The following YTHDF1 variants were observed in gnomAD, a reference collection of about 807,000 sequenced individuals.
YTHDF1 encodes the protein YTH N6-methyladenosine RNA binding protein F1, also known as YTH domain-containing family protein 1.
A neutral mutation model predicts 49.1 loss-of-function variants in YTHDF1; 16 were observed. That is an observed-to-expected ratio of 0.33 (90% CI 0.22 to 0.49). The LOEUF (loss-of-function observed/expected upper bound fraction) is 0.49, where lower values mean the gene tolerates loss of function less well. Among genes scored for constraint, YTHDF1 ranks in the 20% least tolerant of loss-of-function variants. The probability of loss-of-function intolerance (pLI) is 0.99; values close to 1 mark genes in which losing one functional copy is unlikely to be tolerated. For synonymous variants in YTHDF1, 313 were observed against 290.1 expected (o/e 1.08, Z -0.80); for missense variants, 621 against 744.3 (o/e 0.83, Z 1.93).
intron 3 of YTHDF1, among the ~76,000 whole-genome samples, chr20:63,209,725 A>G (rs895475778): frequency 1.3e-5 from 2 of 152,182 alleles, no homozygotes; most frequent in African/African-American, 4.8e-5. Flanking sequence ...AAAACAAAAC[A>G]AAAAAACCAA....
intron 4 of YTHDF1, 122 bp from the exon 5 acceptor site, chr20:63,196,856 G>T: frequency 8.9e-7 from 1 of 1,128,486 alleles, no homozygotes; most frequent in East Asian, 2.6e-5. Flanking sequence ...ACCCTGAATG[G>T]TACCCAAGCC....
rs758252890 is a variant in YTHDF1 at position 63,202,995 on chromosome 20, C to A, written c.945G>T (p.Pro315=). ...LPAQPPALAQ[P]QYQSPQQPPQ... ...GTGGCTGCTGAGGGCTCTGATACTG[C>A]GGTTGAGCCAAAGCTGGGGGCTGTG... The change falls in exon 4 of 5, where the codon CCG becomes CCT. Residue 315 remains proline, a synonymous_variant. Transcript: ENST00000370339. 15 of 1,612,510 alleles carry A rather than the reference C, an allele frequency of 9.3e-6. No homozygotes were observed. Among genetic ancestry groups the A allele is most frequent in the Non-Finnish European group, 1.2e-5 (14 of 1,179,666 alleles).
In YTHDF1 at chr20:63,196,730, C is replaced by T. The variant is rs1411914627; in HGVS notation, c.1658G>A (p.Arg553Gln). ...CCCTCATTGTTTGTTTCGACTCTGC[C>T]GTTCCTGTAAAAAGAAAAAACAAAA... ...QEEEEVVRKE[R>Q]QSRNKQ The change falls in exon 5 of 5, where the codon CGG becomes CAG. Residue 553 changes from arginine (R) to glutamine (Q), a missense_variant. Physicochemically the swap from Arg to Gln is conservative, Grantham distance 43. Coordinates refer to ENST00000370339, the MANE Select transcript of YTHDF1 (RefSeq NM_017798.4). 5 of 1,613,686 alleles carry T rather than the reference C, an allele frequency of 3.1e-6. No individual in the cohort carries two copies. Among genetic ancestry groups the T allele is most frequent in the African/African-American group, 2.7e-5 (2 of 75,034 alleles).
chr20:63,215,924 C>A lies in YTHDF1; in HGVS notation c.-32G>T. 1.5e-6 allele frequency: 2 copies of A among 1,365,690 alleles called. No individual in the cohort carries two copies. Among genetic ancestry groups the A allele is most frequent in the Non-Finnish European group, 1.9e-6 (2 of 1,053,438 alleles). 84.6% of individuals were successfully genotyped at this position (1,365,690 alleles called of 1,614,324 possible). On this transcript the variant is annotated 5_prime_UTR_variant, in exon 1 of 5. Transcript: ENST00000370339. ...TGAACAACTAGACGCGGGGCCGGGG[C>A]GCCCGCCGGCTCGGGCCTCCCCTAG... is the stretch of plus-strand genomic sequence containing the variant.
Position 63,202,446 on chromosome 20 carries a change from G to T in YTHDF1, c.1494C>A (p.Asp498Glu), listed in dbSNP as rs958275679. The T allele has an allele frequency of 8.1e-6, 13 of 1,614,152 alleles. No individual in the cohort carries two copies. The highest frequency in any genetic ancestry group is 1.3e-5 in the African/African-American group (1 of 74,952). The stretch of plus-strand genomic sequence containing the variant: ...CCCGGGAGTTTGTGACCGGTTTGTT[G>T]TCGTTATTCTCCAGCCTGATGTGCC... ...QLRHIRLENN[D>E]NKPVTNSRDT... Residue 498 changes from aspartate to glutamate, a missense_variant, in exon 4 of 5, where the codon GAC (aspartate) becomes GAA (glutamate). Physicochemically the swap from Asp to Glu is conservative, Grantham distance 45. Transcript: ENST00000370339.
rs1479451820 is a variant in YTHDF1 at position 63,203,288 on chromosome 20, C to T, written c.652G>A (p.Gly218Ser). The change falls in exon 4 of 5, where the codon GGC becomes AGC. Residue 218 changes from glycine (G) to serine (S), a missense_variant. This residue lies in a region of YTHDF1 where 470 missense variants were observed against 495.8 expected (regional missense o/e 0.95). Coordinates refer to ENST00000370339, the MANE Select transcript of YTHDF1 (RefSeq NM_017798.4). The surrounding 1 kb of genome is among the most constrained non-coding windows in gnomAD (Gnocchi z 4.4). ...ATGTTCACATTTGTCCCACCGTTGCCAGAAAGGACACCAGTCAGTGCCACG... is the reference window on the plus strand; with the variant it reads ...ATGTTCACATTTGTCCCACCGTTGCTAGAAAGGACACCAGTCAGTGCCACG... ...SSVALTGVLS[G>S]NGGTNVNMPV... 1.2e-6 allele frequency: 2 copies of T among 1,613,828 alleles called. No homozygotes were observed. The highest frequency in any genetic ancestry group is 1.7e-6 in the Non-Finnish European group (2 of 1,180,052).
At chr20:63,199,077 C>G (rs2066505541) in intron 4 of YTHDF1, among the ~76,000 whole-genome samples, 1 of 152,202 alleles carries the variant, frequency 6.6e-6, no homozygotes, top group Non-Finnish European at 1.5e-5. Context: ...TTGTTTATGA[C>G]CTTTACAGCA....
At chr20:63,209,661 A>C (rs111620001) in intron 3 of YTHDF1, among the ~76,000 whole-genome samples, 1 of 152,202 alleles carries the variant, frequency 6.6e-6, no homozygotes, top group African/African-American at 2.4e-5. Context: ...TCAAGGCTGC[A>C]ATGAGTCATG....
chr20:63,202,485 G>A lies in YTHDF1; in HGVS notation c.1455C>T (p.Pro485=). 1 of 1,614,250 alleles carries A rather than the reference G, an allele frequency of 6.2e-7. No homozygotes were observed. The highest frequency in any genetic ancestry group is 2.2e-5 in the East Asian group (1 of 44,890). ...GCCTGATGTGCCGGAGCTGGTTATTGGGTACATCCTTAACAAAAATCCACT... is the reference window on the plus strand; with the variant it reads ...GCCTGATGTGCCGGAGCTGGTTATTAGGTACATCCTTAACAAAAATCCACT... The part of the protein sequence containing the change: ...DVQWIFVKDV[P]NNQLRHIRLE... The change falls in exon 4 of 5, where the codon CCC becomes CCT. Residue 485 remains proline, a synonymous_variant. Transcript: ENST00000370339.
Position 63,215,557 on chromosome 20 carries a change from C to T in YTHDF1, c.52+20G>A, listed in dbSNP as rs201353662. On this transcript the variant is annotated intron_variant, in intron 2 of 4. Transcript: ENST00000370339. ...CTCCTCCACTCCAGCCCGCGCCGGC[C>T]GTCCCGGGACTCCGCTCACCTTTAT... is the stretch of plus-strand genomic sequence containing the variant. The T allele has an allele frequency of 6.8e-4, 1,104 of 1,613,668 alleles. No individual in the cohort carries two copies. The highest frequency in any genetic ancestry group is 8.4e-4 in the Non-Finnish European group (988 of 1,179,850).
chr20:63,212,141 T>C (rs974236934), intron 3 of YTHDF1, among the ~76,000 whole-genome samples: 10 of 152,230 alleles, frequency 6.6e-5, no homozygotes, highest in Admixed American at 1.3e-4. Flanking sequence ...CTTCCTGCCA[T>C]TACCTCTATC....
chr20:63,215,479 G>A (rs1000897521), intron 2 of YTHDF1, 98 bp downstream of exon 2: 21 of 1,530,684 alleles, frequency 1.4e-5, no homozygotes, highest in Admixed American at 5.1e-5. Flanking sequence ...GCTGGCGGAA[G>A]AGAGAAAGTT....
intron 4 of YTHDF1, among the ~76,000 whole-genome samples, chr20:63,200,548 C>A (rs1275417547): frequency 6.6e-6 from 1 of 152,160 alleles, no homozygotes; most frequent in Non-Finnish European, 1.5e-5. Context: ...GTTGGACTCG[C>A]CTTGGAGCAC....
chr20:63,208,202 A>G (rs566965685), intron 3 of YTHDF1, among the ~76,000 whole-genome samples: 6 of 152,330 alleles, frequency 3.9e-5, no homozygotes, highest in African/African-American at 1.4e-4. Flanking sequence ...AGCAGAAAGG[A>G]TCCCTTCAGA....
chr20:63,196,778 C>A (rs1325862503), intron 4 of YTHDF1, 44 bp from the exon 5 acceptor site: 5 of 1,611,060 alleles, frequency 3.1e-6, no homozygotes, highest in Non-Finnish European at 4.2e-6. Flanking sequence ...GTAACCACAC[C>A]AATGAATCCC....
In YTHDF1 at chr20:63,203,693, T is replaced by C; in HGVS notation, c.247A>G (p.Ile83Val). ...TGTCCGTAGGTGGTGAGGTATGGAA[T>C]CGGAGGGTCCCCTGCAGTAGACCAC... ...APWSTAGDPP[I>V]PYLTTYGQLS... The change falls in exon 4 of 5, where the codon ATT becomes GTT. Residue 83 changes from isoleucine (I) to valine (V), a missense_variant. Coordinates refer to ENST00000370339, the MANE Select transcript of YTHDF1 (RefSeq NM_017798.4). This position sits in a 1 kb window ranked among gnomAD's most constrained non-coding sequence, Gnocchi z 4.4. 4 of 1,614,152 alleles carry C rather than the reference T, an allele frequency of 2.5e-6. No individual in the cohort carries two copies. The highest frequency in any genetic ancestry group is 3.4e-6 in the Non-Finnish European group (4 of 1,180,016).
intron 4 of YTHDF1, among the ~76,000 whole-genome samples, 192 bp downstream of exon 4, chr20:63,202,095 C>G (rs1025008674): frequency 6.6e-6 from 1 of 152,272 alleles, no homozygotes; most frequent in Admixed American, 6.5e-5. Context: ...TGGTTACTAG[C>G]AGTACTCTCC....
At chr20:63,211,086 C>T (rs1269772826) in intron 3 of YTHDF1, among the ~76,000 whole-genome samples, 1 of 143,004 alleles carries the variant, frequency 7.0e-6, no homozygotes, top group East Asian at 2.2e-4. Context: ...CTTTCTAAAC[C>T]ATTCTAAGTA....
In YTHDF1 at chr20:63,213,844, T is replaced by C. The variant is rs780824712; in HGVS notation, c.132+20A>G. ...TAAAACCAACTTAAAAACAAATATA[T>C]GCTAACAAAATAAACTCACCTGATT... On this transcript the variant is annotated intron_variant, in intron 3 of 4. Transcript: ENST00000370339. 54 of 1,595,256 alleles carry C rather than the reference T, an allele frequency of 3.4e-5. No individual in the cohort carries two copies. Among genetic ancestry groups the C allele is most frequent in the Non-Finnish European group, 4.3e-5 (50 of 1,173,116 alleles).
Sources: allele counts gnomAD v4.1 joint callset (sites outside exome capture counted in the v4.1 genomes callset), GRCh38; gene constraint gnomAD v4.1.1; regional missense constraint gnomAD v4.1.1; non-coding constraint Gnocchi (gnomAD v3.1); transcripts MANE v1.5; gene names NCBI Gene and HGNC (gene_info 2026-07-23, HGNC 2026-07-21).